PPFIBP2: variants seen among roughly 807,000 people sequenced by gnomAD.
PPFIBP2 encodes PPFIB scaffold protein 2.
PPFIBP2 carries 118 observed loss-of-function variants against 118.3 expected under a neutral mutation model. That is an observed-to-expected ratio of 1.00 (90% confidence interval 0.86 to 1.16). The LOEUF (loss-of-function observed/expected upper bound fraction) is 1.16. Among genes scored for constraint, PPFIBP2 ranks in the 50% most tolerant of loss-of-function variants. The pLI is 0.00. For missense variants in PPFIBP2, 1,195 were observed against 1,073.1 expected, an observed-to-expected ratio of 1.11 and a Z score of -1.59; for synonymous variants, 414 against 397.4, an observed-to-expected ratio of 1.04 and a Z score of -0.50.
At chr11:7,634,597 T>C in intron 13 of PPFIBP2, 45 bp downstream of exon 13, 5 of 1,515,776 alleles carry the variant, frequency 3.3e-6, no homozygotes, top group Non-Finnish European at 4.6e-6. Context: ...GTTACTTTTT[T>C]GGGCCTAGCA....
At chr11:7,545,796 A>T (rs921252445) in intron 1 of PPFIBP2, among the ~76,000 whole-genome samples, 1 of 152,210 alleles carries the variant, frequency 6.6e-6, no homozygotes, top group African/African-American at 2.4e-5. Flanking sequence ...CTTTATGCTA[A>T]TGAGGCCACT....
intron 1 of PPFIBP2, among the ~76,000 whole-genome samples, chr11:7,522,657 A>G (rs893178033): frequency 3.9e-5 from 6 of 152,192 alleles, no homozygotes; most frequent in Non-Finnish European, 7.4e-5. Flanking sequence ...CAGCCTGCAG[A>G]ACAGCTAAGG....
chr11:7,532,632 C>T (rs535762954), intron 1 of PPFIBP2, among the ~76,000 whole-genome samples: 1 of 152,156 alleles, frequency 6.6e-6, no homozygotes, highest in African/African-American at 2.4e-5. Context: ...CCCGTGTGGC[C>T]CTCGGAACTC....
intron 6 of PPFIBP2, 154 bp downstream of exon 6, chr11:7,610,576 A>C: frequency 8.8e-7 from 1 of 1,140,090 alleles, no homozygotes; most frequent in African/African-American, 1.5e-5. Context: ...CCAAGTTATC[A>C]GGTTTTGCTG....
chr11:7,666,460 G>A, the PPFIBP2 span: 2 of 1,609,910 alleles, frequency 1.2e-6, no homozygotes, highest in Admixed American at 1.7e-5. Context: ...CCAATGGGAG[G>A]CCTGTCCAGG....
chr11:7,605,810 C>A, intron 5 of PPFIBP2: 1 of 1,374,128 alleles, frequency 7.3e-7, no homozygotes. Flanking sequence ...GAGAGAATTT[C>A]AGAGCTGAAG....
In PPFIBP2 at chr11:7,641,508, G is replaced by A. The variant is rs758710056; in HGVS notation, c.1405G>A (p.Ala469Thr). ...RDTESGWDDT[A>T]VVNDLSSTSS... ...CACAGAAAGTGGCTGGGACGACACT[G>A]CTGTGGTCAATGACCTCTCATCCAC... The change falls in exon 16 of 24, where the codon GCT (alanine) becomes ACT (threonine). Residue 469 changes from alanine (A) to threonine (T), a missense_variant. By Grantham distance (58) the Ala-to-Thr change is moderately conservative (BLOSUM62 0). Coordinates refer to ENST00000299492, the MANE Select transcript of PPFIBP2 (RefSeq NM_003621.5). 1.2e-6 allele frequency: 2 copies of A among 1,613,882 alleles called. No individual in the cohort carries two copies. The highest frequency in any genetic ancestry group is 2.2e-5 in the South Asian group (2 of 91,070).
At chr11:7,608,094 C>G (rs569915076) in intron 5 of PPFIBP2, among the ~76,000 whole-genome samples, 9 of 152,292 alleles carry the variant, frequency 5.9e-5, no homozygotes, top group African/African-American at 2.2e-4. Context: ...CCCTCACACT[C>G]AGGGAAGAAC....
chr11:7,537,681 G>A (rs969223375), intron 1 of PPFIBP2, among the ~76,000 whole-genome samples: 3 of 152,130 alleles, frequency 2.0e-5, no homozygotes, highest in African/African-American at 7.2e-5. Context: ...TCCCCATGAG[G>A]GCACTGATAT....
Position 7,653,111 on chromosome 11 carries a change from A to G in PPFIBP2, c.2524A>G (p.Ser842Gly), listed in dbSNP as rs752198454. 6.2e-7 allele frequency: 1 copy of G among 1,614,258 alleles called. No individual in the cohort carries two copies. Among genetic ancestry groups the G allele is most frequent in the Non-Finnish European group, 8.5e-7 (1 of 1,180,030 alleles). Residue 842 changes from serine (S) to glycine (G), a missense_variant, in exon 24 of 24, where the codon AGT (serine) becomes GGT (glycine). Transcript: ENST00000299492. ...GGACTACATTTGCCCAATGGAGCCCAGTGACGGTGTCAGTGATAGTCACAG... is the reference window on the plus strand; with the variant it reads ...GGACTACATTTGCCCAATGGAGCCCGGTGACGGTGTCAGTGATAGTCACAG... ...STDYICPMEP[S>G]DGVSDSHRVY... is the part of the protein sequence containing the mutation.
At chr11:7,558,062 A>C (rs1319321458) in intron 2 of PPFIBP2, among the ~76,000 whole-genome samples, 1 of 152,244 alleles carries the variant, frequency 6.6e-6, no homozygotes, top group East Asian at 1.9e-4. Flanking sequence ...ATTTTGCATG[A>C]ATGAAGATAG....
At chr11:7,558,220 C>T (rs1853862755) in intron 2 of PPFIBP2, among the ~76,000 whole-genome samples, 1 of 152,174 alleles carries the variant, frequency 6.6e-6, no homozygotes, top group African/African-American at 2.4e-5. Context: ...GATTGAGTCT[C>T]CACTATTGCC....
At chr11:7,658,499 G>A (rs374533166), downstream of PPFIBP2, among the ~76,000 whole-genome samples, 1 of 86,840 alleles carries the variant, frequency 1.2e-5, no homozygotes, top group African/African-American at 5.2e-5. Flanking sequence ...TGGCTGCATA[G>A]TATTCCATGG....
chr11:7,610,557 C>G, intron 6 of PPFIBP2, 135 bp downstream of exon 6: 2 of 1,213,284 alleles, frequency 1.6e-6, no homozygotes, highest in Non-Finnish European at 2.3e-6. Context: ...ATGCAGTGAT[C>G]TGTTAATACC....
intron 5 of PPFIBP2, among the ~76,000 whole-genome samples, chr11:7,608,983 T>G (rs1292345634): frequency 6.6e-6 from 1 of 152,192 alleles, no homozygotes; most frequent in Non-Finnish European, 1.5e-5. Flanking sequence ...AGAGCTGGCC[T>G]CCTTACCCCA....
chr11:7,585,004 C>T (rs1857878655), intron 3 of PPFIBP2, among the ~76,000 whole-genome samples: 1 of 152,150 alleles, frequency 6.6e-6, no homozygotes, highest in Non-Finnish European at 1.5e-5. Context: ...ATCTAAATGG[C>T]TAAATAAGGA....
chr11:7,542,352 G>T (rs1425045914), intron 1 of PPFIBP2, among the ~76,000 whole-genome samples: 2 of 152,034 alleles, frequency 1.3e-5, no homozygotes, highest in Admixed American at 1.3e-4. Context: ...TTTAATCTTG[G>T]CACTGTGCCT....
intron 1 of PPFIBP2, among the ~76,000 whole-genome samples, chr11:7,535,305 G>C (rs887277533): frequency 2.0e-5 from 3 of 152,218 alleles, no homozygotes; most frequent in African/African-American, 7.2e-5. Flanking sequence ...CAGAGATTGG[G>C]GAAGGGGCCT....
chr11:7,584,660 A>T (rs917741595), intron 3 of PPFIBP2, among the ~76,000 whole-genome samples: 2 of 152,186 alleles, frequency 1.3e-5, no homozygotes, highest in Non-Finnish European at 2.9e-5. Context: ...CACTCATACT[A>T]CTGGGTTCCC....
Sources: allele counts gnomAD v4.1 joint callset (sites outside exome capture counted in the v4.1 genomes callset), GRCh38; gene constraint gnomAD v4.1.1; transcripts MANE v1.5; gene names NCBI Gene and HGNC (gene_info 2026-07-23, HGNC 2026-07-21).